The following ACSM3 variants were observed in gnomAD, a reference collection of about 807,000 sequenced individuals.
ACSM3 encodes acyl-coenzyme A synthetase ACSM3, mitochondrial.
In ACSM3, 61 loss-of-function variants were observed where a neutral mutation model predicts 74.1. The observed-to-expected ratio is 0.82, with a 90% CI of 0.67 to 1.02. The LOEUF (loss-of-function observed/expected upper bound fraction) is 1.02. Among genes scored for constraint, ACSM3 ranks in the 50% least tolerant of loss-of-function variants. The probability of loss-of-function intolerance (pLI) is 0.00; values close to 1 mark genes in which losing one functional copy is unlikely to be tolerated. For missense variants in ACSM3, 660 were observed against 697.0 expected (o/e 0.95, Z 0.60); for synonymous variants, 213 against 241.5 (o/e 0.88, Z 1.09).
Position 20,729,046 on chromosome 16 carries a change from T to G in ACSM3, c.-189-20864T>G, listed in dbSNP as rs112476118. ...TTGCTACAGCCTGGGAGGTCAAGGC[T>G]GCAGTGAGCTATGATCAAGCCAATG... On this transcript the variant is annotated intron_variant, in intron 1 of 3. Coordinates refer to the ACSM3 transcript ENST00000561584. 1.0e-2 allele frequency among the ~76,000 whole-genome samples: 1,519 copies of G among 152,300 alleles called. 18 individuals are homozygous for G. The highest frequency in any genetic ancestry group is 0.034 in the African/African-American group (1,433 of 41,558).
chr16:20,796,047 G>C (rs1364621655), intron 12 of ACSM3: 1 of 216,842 alleles, frequency 4.6e-6, no homozygotes, highest in African/African-American at 2.3e-5. Context: ...TCACAGCCTT[G>C]TATAAAGACT....
chr16:20,681,490 GT>G (rs2079445058), intron 1 of ACSM3: 1 of 152,148 alleles, frequency 6.6e-6, no homozygotes, highest in East Asian at 1.9e-4. Context: ...TCACTGGTGG[GT>G]TTTTGTTTAT....
chr16:20,774,239 CTTTTT>C (rs71377684), intron 2 of ACSM3, among the ~76,000 whole-genome samples: 3 of 114,022 alleles, frequency 2.6e-5, no homozygotes, highest in Non-Finnish European at 3.6e-5. Context: ...TTTTCTGTGT[CTTTTT>C]TTTTTTTTTT....
intron 1 of ACSM3, among the ~76,000 whole-genome samples, chr16:20,724,167 GT>G (rs1487954281): frequency 6.6e-6 from 1 of 152,028 alleles, no homozygotes; most frequent in Non-Finnish European, 1.5e-5. Context: ...TTTTTGTCAG[GT>G]TTGTCAAAGA....
At chr16:20,792,479 A>C (rs779440718) in intron 12 of ACSM3, 144 bp downstream of exon 12, 4 of 1,489,944 alleles carry the variant, frequency 2.7e-6, no homozygotes, top group Non-Finnish European at 2.7e-6. Context: ...GTCAGAAAGA[A>C]CTGCTACAAA....
At chr16:20,769,299 AG>A (rs2080163113) in intron 1 of ACSM3, among the ~76,000 whole-genome samples, 1 of 152,248 alleles carries the variant, frequency 6.6e-6, no homozygotes, top group African/African-American at 2.4e-5. Flanking sequence ...CCACAGAAGC[AG>A]GCGATGGCCC....
At position 20,797,114 on chromosome 16, in the gene ACSM3, T is replaced by C; in HGVS notation, c.*142T>C. On this transcript the variant is annotated 3_prime_UTR_variant, in exon 14 of 14. Coordinates refer to ENST00000289416, the MANE Select transcript of ACSM3 (RefSeq NM_005622.4). ...TTTAAAATATCTTGTGGTTATGATA[T>C]CAGAGGCTAAATTTTGAAATAAAAT... is the stretch of plus-strand genomic sequence containing the variant. 1 of 1,382,558 alleles carries C rather than the reference T, an allele frequency of 7.2e-7. No individual in the cohort carries two copies. The highest frequency in any genetic ancestry group is 2.9e-5 in the East Asian group (1 of 34,612). 85.6% of individuals were successfully genotyped at this position (1,382,558 alleles called of 1,614,324 possible).
intron 10 of ACSM3, 119 bp from the exon 11 acceptor site, chr16:20,791,883 G>C: frequency 8.3e-7 from 1 of 1,200,190 alleles, no homozygotes; most frequent in Non-Finnish European, 1.2e-6. Context: ...AGCCAAGATC[G>C]TACTACTGCA....
intron 1 of ACSM3, chr16:20,685,309 C>G: frequency 6.2e-7 from 1 of 1,614,190 alleles, no homozygotes; most frequent in Non-Finnish European, 8.5e-7. Context: ...GGCTACACGG[C>G]GGGTTAGGTC....
chr16:20,745,331 A>G (rs1456537128), intron 1 of ACSM3, among the ~76,000 whole-genome samples: 1 of 152,098 alleles, frequency 6.6e-6, no homozygotes, highest in Non-Finnish European at 1.5e-5. Flanking sequence ...CACGCTTGTA[A>G]TCCCAGCACT....
At chr16:20,741,904 C>G (rs776440126) in intron 1 of ACSM3, 3 of 1,534,456 alleles carry the variant, frequency 2.0e-6, no homozygotes, top group Admixed American at 2.0e-5. Flanking sequence ...GGTCTGCAAT[C>G]GTGAAAGGGG....
At chr16:20,775,550 T>G (rs542571875) in intron 2 of ACSM3, among the ~76,000 whole-genome samples, 1 of 152,264 alleles carries the variant, frequency 6.6e-6, no homozygotes, top group South Asian at 2.1e-4. Context: ...TTTTCAGGTC[T>G]CAGAGAGTTT....
chr16:20,778,949 C>T (rs1567352015), intron 4 of ACSM3, among the ~76,000 whole-genome samples: 1 of 152,106 alleles, frequency 6.6e-6, no homozygotes, highest in Non-Finnish European at 1.5e-5. Flanking sequence ...TATGGGGTTT[C>T]GTCATGTTAG....
At chr16:20,698,610 T>A (rs1041695054) in intron 1 of ACSM3, among the ~76,000 whole-genome samples, 2 of 152,100 alleles carry the variant, frequency 1.3e-5, no homozygotes, top group African/African-American at 4.8e-5. Flanking sequence ...CCAGGTTTAA[T>A]TGAGTCTCTT....
At chr16:20,728,950 A>T (rs767939949) in intron 1 of ACSM3, among the ~76,000 whole-genome samples, 8 of 152,126 alleles carry the variant, frequency 5.3e-5, no homozygotes, top group Non-Finnish European at 8.8e-5. Context: ...CTACAAAAAC[A>T]TAAAACAATT....
intron 1 of ACSM3, chr16:20,711,458 T>C (rs1376432807): frequency 8.5e-7 from 1 of 1,172,978 alleles, no homozygotes; most frequent in Non-Finnish European, 1.2e-6. Flanking sequence ...CGGTTCTGTT[T>C]AGTGTCCTTC....
intron 1 of ACSM3, chr16:20,743,824 G>A (rs1408291805): frequency 6.6e-6 from 1 of 152,168 alleles, no homozygotes; most frequent in Non-Finnish European, 1.5e-5. Flanking sequence ...TCTGCTGGCT[G>A]GGTTTCAGTT....
intron 1 of ACSM3, among the ~76,000 whole-genome samples, chr16:20,715,156 C>T (rs950652824): frequency 3.9e-5 from 6 of 152,120 alleles, no homozygotes; most frequent in Non-Finnish European, 7.3e-5. Context: ...GAAGAAATCC[C>T]CCTCTCTCTA....
At chr16:20,761,234 C>T (rs529843209), upstream of ACSM3, among the ~76,000 whole-genome samples, 9 of 152,276 alleles carry the variant, frequency 5.9e-5, no homozygotes, top group African/African-American at 1.9e-4. Flanking sequence ...TCAGCCTCCT[C>T]AGCATGTATT....
Sources: allele counts gnomAD v4.1 joint callset (sites outside exome capture counted in the v4.1 genomes callset), GRCh38; gene constraint gnomAD v4.1.1; transcripts MANE v1.5; gene names NCBI Gene and HGNC (gene_info 2026-07-23, HGNC 2026-07-21).